The following TNFAIP8L1 variants were observed in gnomAD, a reference collection of about 807,000 sequenced individuals.
The protein encoded by TNFAIP8L1 is tumor necrosis factor alpha-induced protein 8-like protein 1.
For synonymous variants in TNFAIP8L1, 127 were observed against 125.6 expected, an observed-to-expected ratio of 1.01 and a Z score of -0.08; for missense variants, 225 against 266.1, an observed-to-expected ratio of 0.85 and a Z score of 1.08.
Position 4,641,265 on chromosome 19 carries a change from CCT to C in TNFAIP8L1, c.-4+1637_-4+1638del, listed in dbSNP as rs1555704793. The C allele has an allele frequency of 6.6e-6, 1 of 152,174 alleles. No individual in the cohort carries two copies. The highest frequency in any genetic ancestry group is 6.5e-5 in the Admixed American group (1 of 15,270). 9.4% of individuals were successfully genotyped at this position (152,174 alleles called of 1,614,324 possible). A position where few individuals can be genotyped will look rare whatever the true frequency, so the allele number is the denominator to read the frequency against. ...GGTGGGTTCCGGAGGCCTCAGTGTC[CCT>C]GTCTGTCCAATGGGGCCACGAAAGG... is the stretch of plus-strand genomic sequence containing the variant. On this transcript the variant is annotated intron_variant, in intron 1 of 1. Coordinates refer to ENST00000327473, the MANE Select transcript of TNFAIP8L1 (RefSeq NM_152362.3). This position sits in a 1 kb window ranked among gnomAD's most constrained non-coding sequence, Gnocchi z 4.6.
intron 1 of TNFAIP8L1, among the ~76,000 whole-genome samples, chr19:4,643,010 G>A (rs147776805): frequency 2.0e-5 from 3 of 151,958 alleles, no homozygotes; most frequent in Non-Finnish European, 4.4e-5. Flanking sequence ...AGGCCAGGCA[G>A]GGTGGCTCAT....
chr19:4,652,379 G>T lies in TNFAIP8L1; in HGVS notation c.510G>T (p.Leu170=). The change falls in exon 2 of 2, where the codon CTG becomes CTT. Residue 170 remains leucine (L), a synonymous_variant. Coordinates refer to ENST00000327473, the MANE Select transcript of TNFAIP8L1 (RefSeq NM_152362.3). ...CCGCCGAGCCCTACCGCTCCCACCT[G>T]CGCAGGATCTGCGAGGGCCTGGGCC... is the stretch of plus-strand genomic sequence containing the variant. ...YGPAEPYRSH[L]RRICEGLGRM... The T allele has an allele frequency of 6.4e-7, 1 of 1,554,168 alleles. No individual in the cohort carries two copies. Among genetic ancestry groups the T allele is most frequent in the Non-Finnish European group, 8.7e-7 (1 of 1,151,762 alleles).
rs1364055260 is a variant in TNFAIP8L1, at chr19:4,645,318, C to A, written c.-4+5689C>A. On this transcript the variant is annotated intron_variant, in intron 1 of 1. Coordinates refer to ENST00000327473, the MANE Select transcript of TNFAIP8L1 (RefSeq NM_152362.3). The surrounding 1 kb of genome is among the most constrained non-coding windows in gnomAD (Gnocchi z 4.1). Reference sequence around the variant, plus strand: ...ATCCCAGCAGTTTGGGAGGCCGAGGCGAGTAGATCACTTGAGGCCGGGAGT... The same window carrying A: ...ATCCCAGCAGTTTGGGAGGCCGAGGAGAGTAGATCACTTGAGGCCGGGAGT... Among the ~76,000 whole-genome samples the A allele has an allele frequency of 6.6e-6, 1 of 151,164 alleles. No individual in the cohort carries two copies. The highest frequency in any genetic ancestry group is 2.5e-5 in the African/African-American group (1 of 40,674).
At chr19:4,649,115 A>G (rs868284275) in intron 1 of TNFAIP8L1, among the ~76,000 whole-genome samples, 10 of 151,456 alleles carry the variant, frequency 6.6e-5, no homozygotes, top group African/African-American at 2.4e-4. Flanking sequence ...TTTTTAGTAG[A>G]GACGGGGTTT....
chr19:4,646,812 A>G (rs2088315814), intron 1 of TNFAIP8L1, among the ~76,000 whole-genome samples: 1 of 152,206 alleles, frequency 6.6e-6, no homozygotes, highest in African/African-American at 2.4e-5. Flanking sequence ...TTGTATTTTT[A>G]GTAGAGACGG....
rs2088396677 is a variant in TNFAIP8L1, at chr19:4,653,798, GTGAC to G, written c.*1371_*1374del. On this transcript the variant is annotated 3_prime_UTR_variant, in exon 2 of 2. Transcript: ENST00000327473. ...AAAAAAAAAAAAAAAAAAAAAAAAA[GTGAC>G]TGTGGTGGTGCACACGTATAATCCC... 9.3e-6 allele frequency: 1 copy of G among 107,860 alleles called. No homozygotes were observed. Among genetic ancestry groups the G allele is most frequent in the Non-Finnish European group, 2.2e-5 (1 of 46,488 alleles). 6.7% of individuals were successfully genotyped at this position (107,860 alleles called of 1,614,324 possible).
rs890843280 is a variant in TNFAIP8L1, at chr19:4,655,547, T to C, written c.*3117T>C. On this transcript the variant is annotated 3_prime_UTR_variant, in exon 2 of 2. Transcript: ENST00000327473. ...AAATAGGACTGCGGAACAATTTAAA[T>C]AAAAGCACACACCAGCCTGGGCGCA... 6.6e-6 allele frequency: 1 copy of C among 152,106 alleles called. No individual in the cohort carries two copies. The highest frequency in any genetic ancestry group is 1.5e-5 in the Non-Finnish European group (1 of 68,032). 9.4% of individuals were successfully genotyped at this position (152,106 alleles called of 1,614,324 possible).
intron 1 of TNFAIP8L1, among the ~76,000 whole-genome samples, chr19:4,647,735 C>T (rs992445479): frequency 2.6e-5 from 4 of 151,324 alleles, no homozygotes; most frequent in South Asian, 2.1e-4. Flanking sequence ...GATTCTCCCC[C>T]TCTCAGCCTC....
chr19:4,652,274 G>T lies in TNFAIP8L1; in HGVS notation c.405G>T (p.Leu135=). ...DLLHQAVGPH[L]TAKSHGRINH... ...TGCACCAGGCCGTGGGTCCCCACCT[G>T]ACCGCCAAGTCCCACGGCCGCATCA... The change falls in exon 2 of 2, where the codon CTG becomes CTT. Residue 135 remains leucine, a synonymous_variant. Coordinates refer to ENST00000327473, the MANE Select transcript of TNFAIP8L1 (RefSeq NM_152362.3). The T allele has an allele frequency of 6.4e-7, 1 of 1,565,096 alleles. No individual in the cohort carries two copies. The highest frequency in any genetic ancestry group is 1.2e-5 in the South Asian group (1 of 86,138).
chr19:4,652,007 C>G lies in TNFAIP8L1; in HGVS notation c.138C>G (p.Thr46=). ...SEVLDELYRA[T]REFTRSRKEA... Reference sequence around the variant, plus strand: ...TGCTGGATGAGCTGTACCGCGCCACCAGGGAGTTCACGCGCAGCCGCAAGG... The same window carrying G: ...TGCTGGATGAGCTGTACCGCGCCACGAGGGAGTTCACGCGCAGCCGCAAGG... The change falls in exon 2 of 2, where the codon ACC becomes ACG. Residue 46 remains threonine (T), a synonymous_variant. Coordinates refer to ENST00000327473, the MANE Select transcript of TNFAIP8L1 (RefSeq NM_152362.3). 6 of 1,614,138 alleles carry G rather than the reference C, an allele frequency of 3.7e-6. No individual in the cohort carries two copies. The highest frequency in any genetic ancestry group is 5.1e-6 in the Non-Finnish European group (6 of 1,180,008).
rs75414621 is a variant in TNFAIP8L1 at position 4,646,125 on chromosome 19, C to T, written c.-3-5742C>T. ...TTGTTTGTTTCTATTTATTGGTTAC[C>T]GGCACCTCCTCCTTCCAGCAGGGGA... is the stretch of plus-strand genomic sequence containing the variant. On this transcript the variant is annotated intron_variant, in intron 1 of 1. Coordinates refer to ENST00000327473, the MANE Select transcript of TNFAIP8L1 (RefSeq NM_152362.3). Among the ~76,000 whole-genome samples the T allele has an allele frequency of 5.3e-3, 813 of 152,022 alleles. 2 individuals are homozygous for T. The highest frequency in any genetic ancestry group is 7.5e-3 in the Non-Finnish European group (510 of 67,960).
chr19:4,646,311 G>A (rs1301192747), intron 1 of TNFAIP8L1, among the ~76,000 whole-genome samples: 1 of 139,000 alleles, frequency 7.2e-6, no homozygotes, highest in Non-Finnish European at 1.6e-5. Flanking sequence ...TTTTTCAGTT[G>A]AGTCCGGGTC....
chr19:4,651,950 G>A lies in TNFAIP8L1; in HGVS notation c.81G>A (p.Val27=), dbSNP rs755922340. 2.5e-6 allele frequency: 4 copies of A among 1,614,032 alleles called. No homozygotes were observed. Among genetic ancestry groups the A allele is most frequent in the Non-Finnish European group, 2.5e-6 (3 of 1,179,944 alleles). Residue 27 remains valine, a synonymous_variant, in exon 2 of 2, where the codon GTG becomes GTA. Coordinates refer to ENST00000327473, the MANE Select transcript of TNFAIP8L1 (RefSeq NM_152362.3). ...GTAAGATGGCGTCCAAGGCAGTGGT[G>A]GCCGTGCTGGTGGATGACACCAGCA... ...LLSKMASKAV[V]AVLVDDTSSE...
chr19:4,643,005 A>G (rs1482598443), intron 1 of TNFAIP8L1, among the ~76,000 whole-genome samples: 7 of 151,972 alleles, frequency 4.6e-5, no homozygotes, highest in South Asian at 4.2e-4. Context: ...GCGTTAGGCC[A>G]GGCAGGGTGG....
chr19:4,651,886 C>T lies in TNFAIP8L1; in HGVS notation c.17C>T (p.Thr6Ile). Residue 6 changes from threonine to isoleucine, a missense_variant, in exon 2 of 2, where the codon ACC (threonine) becomes ATC (isoleucine). By Grantham distance (89) the Thr-to-Ile change is moderately conservative. Transcript: ENST00000327473. ...CCGCAGGCCATGGACACCTTCAGCA[C>T]CAAGAGCCTGGCTCTGCAGGCGCAG... MDTFS[T>I]KSLALQAQKK... is the part of the protein sequence containing the mutation. 8.1e-6 allele frequency: 13 copies of T among 1,606,380 alleles called. No individual in the cohort carries two copies. Among genetic ancestry groups the T allele is most frequent in the Non-Finnish European group, 1.1e-5 (13 of 1,174,192 alleles).
rs950087115 is a variant in TNFAIP8L1, at chr19:4,655,467, T to C, written c.*3037T>C. The C allele has an allele frequency of 7.2e-5, 11 of 152,234 alleles. No homozygotes were observed. The highest frequency in any genetic ancestry group is 2.7e-4 in the African/African-American group (11 of 41,448). The allele number at this position is 152,234 out of a possible 1,614,324, so 9.4% of individuals were successfully genotyped here. A position where few individuals can be genotyped will look rare whatever the true frequency, so the allele number is the denominator to read the frequency against. Reference sequence around the variant, plus strand: ...AAAACTCTCTGTGTCCCTGTTGGGCTGTCCAGACAGTCTGGACTCTTGTAA... The same window carrying C: ...AAAACTCTCTGTGTCCCTGTTGGGCCGTCCAGACAGTCTGGACTCTTGTAA... On this transcript the variant is annotated 3_prime_UTR_variant, in exon 2 of 2. Coordinates refer to ENST00000327473, the MANE Select transcript of TNFAIP8L1 (RefSeq NM_152362.3).
At chr19:4,651,458 A>G (rs1317347082) in intron 1 of TNFAIP8L1, among the ~76,000 whole-genome samples, 3 of 150,968 alleles carry the variant, frequency 2.0e-5, no homozygotes, top group Non-Finnish European at 4.4e-5. Context: ...GACCACAGGC[A>G]TGAACCACAG....
intron 1 of TNFAIP8L1, among the ~76,000 whole-genome samples, chr19:4,644,265 T>C (rs2145165921): frequency 6.7e-6 from 1 of 148,646 alleles, no homozygotes; most frequent in Admixed American, 6.7e-5. Context: ...ACTGGCCAAG[T>C]GTGGCAGCTC....
chr19:4,648,747 G>C (rs1237046081), intron 1 of TNFAIP8L1, among the ~76,000 whole-genome samples: 1 of 152,166 alleles, frequency 6.6e-6, no homozygotes, highest in African/African-American at 2.4e-5. Flanking sequence ...CTGGGGTCAC[G>C]GAGCTCCCGA....
Sources: gnomAD v4.1 joint callset for allele counts (sites outside exome capture counted in the v4.1 genomes callset) on GRCh38, gnomAD v4.1.1 for gene constraint, Gnocchi (gnomAD v3.1) non-coding constraint, MANE v1.5 for transcripts, NCBI Gene and HGNC (gene_info 2026-07-23, HGNC 2026-07-21) for gene names.